The following TOP1MT variants were observed in gnomAD, a reference collection of about 807,000 sequenced individuals.
TOP1MT encodes the protein DNA topoisomerase I mitochondrial, also known as DNA topoisomerase I, mitochondrial.
Under a neutral mutation model 73.9 loss-of-function variants are expected in TOP1MT, and 80 were observed. The observed-to-expected ratio is 1.08, with a 90% confidence interval of 0.90 to 1.30. The LOEUF is 1.30. Ranked by LOEUF, TOP1MT falls within the 50% of genes most tolerant of loss-of-function variation. The probability of loss-of-function intolerance (pLI) is 0.00; values close to 1 mark genes in which losing one functional copy is unlikely to be tolerated. For missense variants in TOP1MT, 815 were observed against 808.0 expected (o/e 1.01, Z -0.10); for synonymous variants, 338 against 326.4 (o/e 1.04, Z -0.38).
rs772741079 is a variant in TOP1MT at position 143,317,767 on chromosome 8, T to C, written c.1286A>G (p.Asn429Ser). 2 of 1,614,074 alleles carry C rather than the reference T, an allele frequency of 1.2e-6. No individual in the cohort carries two copies. The highest frequency in any genetic ancestry group is 1.3e-5 in the African/African-American group (1 of 75,046). ...CTGCTCCTGCAGAGTGATGGAGGCGTTGTAGGTCCGGAACACCTTGGCCGT... is the reference window on the plus strand; with the variant it reads ...CTGCTCCTGCAGAGTGATGGAGGCGCTGTAGGTCCGGAACACCTTGGCCGT... Reference protein sequence around the residue: ...GLTAKVFRTYNASITLQEQLR... With the variant: ...GLTAKVFRTYSASITLQEQLR... Residue 429 changes from asparagine (N) to serine (S), a missense_variant, in exon 10 of 14, where the codon AAC becomes AGC. Coordinates refer to ENST00000329245, the MANE Select transcript of TOP1MT (RefSeq NM_052963.3).
chr8:143,325,660 A>G (rs1350096732), intron 4 of TOP1MT, 127 bp from the exon 5 acceptor site: 1 of 880,206 alleles, frequency 1.1e-6, no homozygotes, highest in African/African-American at 1.7e-5. Flanking sequence ...AAAGCCCTTC[A>G]CAATCCATGG....
intron 10 of TOP1MT, 46 bp from the exon 11 acceptor site, chr8:143,316,172 C>A (rs765124418): frequency 2.5e-6 from 4 of 1,612,818 alleles, no homozygotes; most frequent in Admixed American, 3.3e-5. Context: ...GGGCCGGCCA[C>A]CCTCCCTGTC....
chr8:143,319,363 T>C (rs1816266419), intron 8 of TOP1MT, among the ~76,000 whole-genome samples: 1 of 151,932 alleles, frequency 6.6e-6, no homozygotes, highest in African/African-American at 2.4e-5. Flanking sequence ...GGCACAATCA[T>C]AGCTCACTGC....
At chr8:143,357,423 T>C (rs891136672), upstream of TOP1MT, among the ~76,000 whole-genome samples, 1 of 147,982 alleles carries the variant, frequency 6.8e-6, no homozygotes, top group Non-Finnish European at 1.5e-5. Context: ...AAAAAAAAAG[T>C]TCGAGAGTAA....
intron 3 of TOP1MT, chr8:143,328,419 T>C: frequency 2.5e-6 from 1 of 399,170 alleles, no homozygotes; most frequent in South Asian, 1.8e-5. Flanking sequence ...AATACTGAAA[T>C]GACACGTCAG....
intron 1 of TOP1MT, among the ~76,000 whole-genome samples, chr8:143,353,029 A>G (rs188495023): frequency 1.5e-3 from 221 of 152,382 alleles, no homozygotes; most frequent in Middle Eastern, 3.4e-3. Flanking sequence ...CCATCAAGAA[A>G]GCAAAAAGAC....
At chr8:143,349,610 A>G (rs949443565), upstream of TOP1MT, among the ~76,000 whole-genome samples, 4 of 151,060 alleles carry the variant, frequency 2.6e-5, no homozygotes, top group African/African-American at 9.8e-5. Context: ...TTTCCCAATA[A>G]AACATTTTGT....
At chr8:143,321,733 G>A (rs370679055) in intron 7 of TOP1MT, among the ~76,000 whole-genome samples, 4 of 82,564 alleles carry the variant, frequency 4.8e-5, no homozygotes, top group Non-Finnish European at 6.7e-5. Flanking sequence ...CCACACACAG[G>A]TACGCCACAC....
chr8:143,351,060 C>A (rs1817311530), intron 1 of TOP1MT, among the ~76,000 whole-genome samples: 1 of 152,196 alleles, frequency 6.6e-6, no homozygotes, highest in Non-Finnish European at 1.5e-5. Context: ...AATTCCTCCT[C>A]CCTCAGCCTC....
At chr8:143,319,172 G>A (rs1387896847) in intron 8 of TOP1MT, among the ~76,000 whole-genome samples, 1 of 152,172 alleles carries the variant, frequency 6.6e-6, no homozygotes, top group African/African-American at 2.4e-5. Flanking sequence ...CAGACTGCCT[G>A]AGGCCGGGCC....
At chr8:143,359,676 G>A (rs1185769475), upstream of TOP1MT, among the ~76,000 whole-genome samples, 2 of 152,038 alleles carry the variant, frequency 1.3e-5, no homozygotes, top group African/African-American at 4.8e-5. Flanking sequence ...GCACACGGAG[G>A]GGGGACACAG....
upstream of TOP1MT, among the ~76,000 whole-genome samples, chr8:143,358,080 GTC>G (rs1817441707): frequency 6.6e-6 from 1 of 152,110 alleles, no homozygotes; most frequent in South Asian, 2.1e-4. Flanking sequence ...GCAAGACTCT[GTC>G]TCTACACAAA....
chr8:143,315,699 G>A, intron 12 of TOP1MT, 28 bp downstream of exon 12: 1 of 1,596,138 alleles, frequency 6.3e-7, no homozygotes, highest in East Asian at 2.2e-5. Context: ...GGCCCCGGGA[G>A]AAGGCGTCTG....
upstream of TOP1MT, among the ~76,000 whole-genome samples, chr8:143,358,141 G>C (rs1817442355): frequency 6.6e-6 from 1 of 152,080 alleles, no homozygotes; most frequent in Non-Finnish European, 1.5e-5. Flanking sequence ...TAAATAAAAG[G>C]CTGGAACCTG....
rs201491535 is a variant in TOP1MT at position 143,321,211 on chromosome 8, A to G, written c.1136T>C (p.Val379Ala). Residue 379 changes from valine to alanine, a missense_variant, in exon 8 of 14, where the codon GTG becomes GCG. Physicochemically the swap from Val to Ala is moderately conservative, Grantham distance 64. Around this residue, in one of 3 missense-constraint regions of TOP1MT, gnomAD observed 751 missense variants for 725.4 expected, o/e 1.04. Coordinates refer to ENST00000329245, the MANE Select transcript of TOP1MT (RefSeq NM_052963.3). Reference sequence around the variant, plus strand: ...CGCGAGGGCACTCACCGGCTTCTCCACCGGCACTCTGTTGTAGTAGCGGAT... The same window carrying G: ...CGCGAGGGCACTCACCGGCTTCTCCGCCGGCACTCTGTTGTAGTAGCGGAT... ...DCIRYYNRVP[V>A]EKPVYKNLQL... 2.5e-5 allele frequency: 40 copies of G among 1,598,484 alleles called. No individual in the cohort carries two copies. The highest frequency in any genetic ancestry group is 3.3e-5 in the Non-Finnish European group (39 of 1,170,236).
chr8:143,339,813 G>C (rs2467942), upstream of TOP1MT, among the ~76,000 whole-genome samples: 20,198 of 139,084 alleles, frequency 0.15, 5,290 homozygotes, highest in African/African-American at 0.54. Flanking sequence ...TTCCACCCCT[G>C]CCAGCACTGG....
upstream of TOP1MT, among the ~76,000 whole-genome samples, chr8:143,358,902 T>C (rs957958015): frequency 6.6e-6 from 1 of 152,226 alleles, no homozygotes; most frequent in African/African-American, 2.4e-5. Flanking sequence ...CCAGGCTCAC[T>C]AGAAAGTTTC....
chr8:143,334,903 C>T, upstream of TOP1MT: 2 of 1,383,476 alleles, frequency 1.4e-6, no homozygotes. Flanking sequence ...GGCCCCGCCC[C>T]AGCGGCCAGC....
At chr8:143,333,603 G>A (rs777684174) in intron 1 of TOP1MT, among the ~76,000 whole-genome samples, 20 of 152,212 alleles carry the variant, frequency 1.3e-4, no homozygotes, top group Non-Finnish European at 2.8e-4. Flanking sequence ...AGGCAGGGCT[G>A]CACCACTGGG....
Sources: allele counts gnomAD v4.1 joint callset (sites outside exome capture counted in the v4.1 genomes callset), GRCh38; gene constraint gnomAD v4.1.1; regional missense constraint gnomAD v4.1.1; transcripts MANE v1.5; gene names NCBI Gene and HGNC (gene_info 2026-07-23, HGNC 2026-07-21).